PDE8B: variants seen among roughly 807,000 people sequenced by gnomAD.
PDE8B encodes the protein phosphodiesterase 8B.
PDE8B carries 26 observed loss-of-function variants against 101.3 expected under a neutral mutation model. That is an observed-to-expected ratio of 0.26 (90% confidence interval 0.19 to 0.36). The LOEUF (loss-of-function observed/expected upper bound fraction) is 0.36. Ranked by LOEUF, PDE8B falls within the 10% of genes least tolerant of loss-of-function variation. The pLI, the probability that PDE8B is intolerant of heterozygous loss-of-function variation, is 1.00. For synonymous variants in PDE8B, 424 were observed against 429.3 expected (o/e 0.99, Z 0.15); for missense variants, 810 against 1,163.1 (o/e 0.70, Z 4.42).
intron 5 of PDE8B, among the ~76,000 whole-genome samples, chr5:77,333,555 T>C (rs1777548888): frequency 6.6e-6 from 1 of 152,190 alleles, no homozygotes; most frequent in East Asian, 1.9e-4. Context: ...GTGGGTTTTA[T>C]CGATCAGGAC....
At chr5:77,312,965 C>T (rs571547333) in intron 2 of PDE8B, among the ~76,000 whole-genome samples, 2 of 152,314 alleles carry the variant, frequency 1.3e-5, no homozygotes, top group East Asian at 3.9e-4. Flanking sequence ...GCAGCCCTTC[C>T]AGGTTCCCGT....
the PDE8B span, chr5:77,151,226 A>G: frequency 6.6e-6 from 1 of 152,324 alleles, no homozygotes; most frequent in African/African-American, 2.4e-5. Flanking sequence ...CCTCTCAGCT[A>G]GCTGAAAGCA....
chr5:77,182,851 T>C, the PDE8B span, among the ~76,000 whole-genome samples: 101 of 152,084 alleles, frequency 6.6e-4, no homozygotes, highest in African/African-American at 2.4e-3. Context: ...ATGTATTTGC[T>C]TTTTTGATAA....
intron 1 of PDE8B, among the ~76,000 whole-genome samples, chr5:77,240,905 C>T (rs1755637382): frequency 6.6e-6 from 1 of 152,154 alleles, no homozygotes; most frequent in South Asian, 2.1e-4. Context: ...TACGTAGTTG[C>T]AACTAAGCAG....
chr5:77,270,645 AG>A (rs1762587385), intron 1 of PDE8B, among the ~76,000 whole-genome samples: 2 of 152,314 alleles, frequency 1.3e-5, no homozygotes, highest in South Asian at 4.2e-4. Flanking sequence ...CAAGATACCT[AG>A]GGGGCATGTG....
At chr5:77,133,566 T>C in the PDE8B span, among the ~76,000 whole-genome samples, 1 of 152,174 alleles carries the variant, frequency 6.6e-6, no homozygotes, top group Admixed American at 6.5e-5. Flanking sequence ...GGCTGGATGA[T>C]GGGCACAAGA....
intron 1 of PDE8B, among the ~76,000 whole-genome samples, chr5:77,247,764 G>A (rs903067044): frequency 1.3e-5 from 2 of 152,144 alleles, no homozygotes. Context: ...GTTCTGTAGA[G>A]ATTTGGTTTC....
intron 12 of PDE8B, among the ~76,000 whole-genome samples, chr5:77,405,254 C>A (rs148130363): frequency 2.9e-3 from 437 of 152,356 alleles, no homozygotes; most frequent in African/African-American, 0.01. Context: ...CCCTGCAAGG[C>A]AGGATTTAGC....
intron 1 of PDE8B, among the ~76,000 whole-genome samples, chr5:77,298,904 C>T (rs1769224487): frequency 6.6e-6 from 1 of 152,228 alleles, no homozygotes; most frequent in African/African-American, 2.4e-5. Flanking sequence ...TGTGAAATTT[C>T]ATTCTTTAGC....
At chr5:77,171,830 C>CG in the PDE8B span, among the ~76,000 whole-genome samples, 6 of 152,078 alleles carry the variant, frequency 3.9e-5, no homozygotes, top group African/African-American at 9.7e-5. Flanking sequence ...GCCCTGTGCT[C>CG]GTGCCTTTCA....
At chr5:77,233,516 T>G (rs1754007921) in intron 1 of PDE8B, among the ~76,000 whole-genome samples, 1 of 152,168 alleles carries the variant, frequency 6.6e-6, no homozygotes, top group East Asian at 1.9e-4. Context: ...TAGCTTACTA[T>G]GGTAAGCTTT....
At chr5:77,334,899 G>A (rs1225864381) in intron 5 of PDE8B, among the ~76,000 whole-genome samples, 1 of 152,208 alleles carries the variant, frequency 6.6e-6, no homozygotes, top group Non-Finnish European at 1.5e-5. Context: ...TGGGGAATCA[G>A]TGAAAACTCA....
intron 1 of PDE8B, among the ~76,000 whole-genome samples, chr5:77,254,569 T>C (rs1758722062): frequency 6.6e-6 from 1 of 152,218 alleles, no homozygotes; most frequent in African/African-American, 2.4e-5. Context: ...AAGGGGCTGA[T>C]CTTTCAGGCT....
chr5:77,190,640 TG>T, the PDE8B span, among the ~76,000 whole-genome samples: 1 of 152,338 alleles, frequency 6.6e-6, no homozygotes, highest in South Asian at 2.1e-4. Context: ...TCCTTTCACT[TG>T]GCCCTGGTAA....
chr5:77,410,661 T>G (rs1193198383), intron 14 of PDE8B: 1 of 131,510 alleles, frequency 7.6e-6, no homozygotes, highest in Non-Finnish European at 1.6e-5. Context: ...CATACACACG[T>G]TACAGGCAGG....
intron 10 of PDE8B, among the ~76,000 whole-genome samples, chr5:77,395,835 T>G (rs1790931600): frequency 6.6e-6 from 1 of 151,498 alleles, no homozygotes; most frequent in Admixed American, 6.6e-5. Context: ...TAAAGCCAGT[T>G]CCACATGGCT....
chr5:77,308,736 G>A (rs1337184226), intron 1 of PDE8B, among the ~76,000 whole-genome samples: 1 of 152,142 alleles, frequency 6.6e-6, no homozygotes, highest in Non-Finnish European at 1.5e-5. Flanking sequence ...AATGCGCCTG[G>A]CACAATGCCT....
intron 10 of PDE8B, among the ~76,000 whole-genome samples, chr5:77,364,714 C>T (rs1033053363): frequency 2.0e-5 from 3 of 152,140 alleles, no homozygotes; most frequent in African/African-American, 7.2e-5. Context: ...GGAGGCTGAA[C>T]AGCTGCAACG....
intron 1 of PDE8B, among the ~76,000 whole-genome samples, chr5:77,257,225 T>C (rs1306869990): frequency 6.6e-6 from 1 of 152,114 alleles, no homozygotes; most frequent in Non-Finnish European, 1.5e-5. Context: ...ACCACATCAA[T>C]AGTTGTATTA....
Sources: allele counts gnomAD v4.1 joint callset (sites outside exome capture counted in the v4.1 genomes callset), GRCh38; gene constraint gnomAD v4.1.1; transcripts MANE v1.5; gene names NCBI Gene and HGNC (gene_info 2026-07-23, HGNC 2026-07-21).